SHTN1: variants seen among roughly 807,000 people sequenced by gnomAD.
SHTN1 encodes shootin 1, also known as shootin-1.
Under a neutral mutation model 83.1 loss-of-function variants are expected in SHTN1, and 42 were observed. The observed-to-expected ratio is 0.51, with a 90% confidence interval of 0.39 to 0.65. The LOEUF (loss-of-function observed/expected upper bound fraction) is 0.65. Ranked by LOEUF, SHTN1 falls within the 30% of genes least tolerant of loss-of-function variation. SHTN1 has a pLI of 0.00. For synonymous variants in SHTN1, 224 were observed against 247.7 expected, an observed-to-expected ratio of 0.90 and a Z score of 0.90; for missense variants, 622 against 737.8, an observed-to-expected ratio of 0.84 and a Z score of 1.82.
At chr10:116,934,299 CTTACA>C (rs949122775) in intron 9 of SHTN1, among the ~76,000 whole-genome samples, 7 of 152,222 alleles carry the variant, frequency 4.6e-5, no homozygotes, top group Admixed American at 1.3e-4. Flanking sequence ...GGTTTTAGGT[CTTACA>C]TTAAAGTCTT....
chr10:117,026,833 G>A (rs1852339113), intron 2 of SHTN1, among the ~76,000 whole-genome samples: 1 of 152,346 alleles, frequency 6.6e-6, no homozygotes, highest in Non-Finnish European at 1.5e-5. Context: ...AAAGGACAGA[G>A]GCCTGGCTGG....
intron 1 of SHTN1, among the ~76,000 whole-genome samples, chr10:116,983,675 G>C (rs376935730): frequency 4.3e-5 from 2 of 46,242 alleles, no homozygotes; most frequent in Non-Finnish European, 6.2e-5. Context: ...TAGATAGATA[G>C]ATAGATAGAT....
intron 5 of SHTN1, among the ~76,000 whole-genome samples, chr10:116,953,697 G>A (rs1038830814): frequency 1.5e-5 from 2 of 134,002 alleles, no homozygotes; most frequent in Non-Finnish European, 3.1e-5. Context: ...GCGCAATCTC[G>A]GCTCACTGCA....
Position 117,071,299 on chromosome 10 carries a change from C to T in SHTN1, c.-188-22789G>A, listed in dbSNP as rs555977056. Among the ~76,000 whole-genome samples, 24 of 150,230 alleles carry T rather than the reference C, an allele frequency of 1.6e-4. No individual in the cohort carries two copies. The East Asian group carries it at 4.7e-3, about 29-fold the overall frequency. On this transcript the variant is annotated intron_variant, in intron 1 of 17. Transcript: ENST00000392901. ...TCTATCTTCAGAATCTCCTGTGTAA[C>T]TATAATGTCAAAACAAGATCAAAGC...
In SHTN1 at chr10:117,041,848, C is replaced by T. The variant is rs568565009; in HGVS notation, c.-123+6597G>A. ...ATTCACCAACACTGAGTTATTTGTT[C>T]GAAATCATCTACTTAAATTTTAAAA... On this transcript the variant is annotated intron_variant, in intron 2 of 17. Coordinates refer to the SHTN1 transcript ENST00000392901. Among the ~76,000 whole-genome samples the T allele has an allele frequency of 3.3e-5, 5 of 152,106 alleles. No individual in the cohort carries two copies. The South Asian group carries it at 8.3e-4, about 25-fold the overall frequency.
At chr10:116,966,734 G>C (rs531272801) in intron 3 of SHTN1, among the ~76,000 whole-genome samples, 2 of 152,180 alleles carry the variant, frequency 1.3e-5, no homozygotes, top group East Asian at 3.9e-4. Context: ...ATAAACCCTA[G>C]ACCAAATATT....
chr10:117,041,729 A>G (rs1180043242), intron 2 of SHTN1, among the ~76,000 whole-genome samples: 1 of 152,104 alleles, frequency 6.6e-6, no homozygotes, highest in Non-Finnish European at 1.5e-5. Flanking sequence ...ATTGTCATAA[A>G]TATCTACCGC....
chr10:116,927,598 G>A (rs571396136), intron 11 of SHTN1, among the ~76,000 whole-genome samples, 194 bp downstream of exon 11: 1 of 152,156 alleles, frequency 6.6e-6, no homozygotes, highest in Non-Finnish European at 1.5e-5. Flanking sequence ...CCCACGATAC[G>A]TGAGAATTGT....
chr10:117,087,444 T>C (rs1460397532), intron 1 of SHTN1, among the ~76,000 whole-genome samples: 2 of 152,254 alleles, frequency 1.3e-5, no homozygotes, highest in East Asian at 1.9e-4. Context: ...AGCCACCACA[T>C]AGATACATTT....
chr10:117,004,557 G>T (rs1254705088), intron 1 of SHTN1, among the ~76,000 whole-genome samples: 1 of 152,088 alleles, frequency 6.6e-6, no homozygotes, highest in East Asian at 1.9e-4. Flanking sequence ...GAACTAGACC[G>T]AATCCAAACG....
At chr10:117,030,634 A>G (rs1048763566) in intron 2 of SHTN1, among the ~76,000 whole-genome samples, 3 of 152,096 alleles carry the variant, frequency 2.0e-5, no homozygotes, top group Non-Finnish European at 4.4e-5. Context: ...TCAGAATACT[A>G]TCAGACCAAT....
intron 1 of SHTN1, among the ~76,000 whole-genome samples, chr10:117,091,188 G>A (rs949795231): frequency 7.9e-5 from 12 of 152,198 alleles, no homozygotes. Flanking sequence ...ATACTCCTGA[G>A]AGTAATTAAC....
chr10:116,886,864 TA>T (rs1847180803), intron 16 of SHTN1, among the ~76,000 whole-genome samples: 1 of 152,178 alleles, frequency 6.6e-6, no homozygotes, highest in African/African-American at 2.4e-5. Flanking sequence ...TCAGGAAGCG[TA>T]AAGCTCATGG....
chr10:117,095,650 C>A (rs1049345494), intron 1 of SHTN1, among the ~76,000 whole-genome samples: 1 of 152,132 alleles, frequency 6.6e-6, no homozygotes, highest in Admixed American at 6.5e-5. Context: ...AAATATATAA[C>A]AGGACAGAAA....
chr10:117,113,816 C>T (rs953908687), intron 1 of SHTN1, among the ~76,000 whole-genome samples: 9 of 152,180 alleles, frequency 5.9e-5, no homozygotes, highest in Non-Finnish European at 8.8e-5. Context: ...GAGGCTGAGG[C>T]AGGTGGATCA....
chr10:117,065,481 G>A (rs1852963326), intron 1 of SHTN1, among the ~76,000 whole-genome samples: 1 of 151,552 alleles, frequency 6.6e-6, no homozygotes, highest in Non-Finnish European at 1.5e-5. Context: ...ACTTTGGGAG[G>A]CCGAGGCAAG....
At chr10:116,926,491 T>C (rs1236734413) in intron 11 of SHTN1, among the ~76,000 whole-genome samples, 2 of 152,220 alleles carry the variant, frequency 1.3e-5, no homozygotes, top group Non-Finnish European at 2.9e-5. Context: ...AAAAATTATT[T>C]TGCCTTAACT....
intron 8 of SHTN1, among the ~76,000 whole-genome samples, chr10:116,944,674 C>T (rs1320952875): frequency 6.6e-6 from 1 of 151,870 alleles, no homozygotes; most frequent in Non-Finnish European, 1.5e-5. Context: ...GAGCAGATCA[C>T]GAGATAAGGA....
chr10:116,884,157 A>G lies in SHTN1; in HGVS notation c.*2187T>C. ...TCCAACTTAAAATTGTGTAAGCAGG[A>G]CGTATGTAAGTTTTGTGTGTGCAAT... is the stretch of plus-strand genomic sequence containing the variant. On this transcript the variant is annotated 3_prime_UTR_variant, in exon 17 of 17. Coordinates refer to ENST00000355371, the MANE Select transcript of SHTN1 (RefSeq NM_001127211.3). 2.2e-6 allele frequency: 1 copy of G among 452,726 alleles called. No homozygotes were observed. The highest frequency in any genetic ancestry group is 4.5e-6 in the Non-Finnish European group (1 of 224,068). The allele number at this position is 452,726 out of a possible 1,614,324, so 28.0% of individuals were successfully genotyped here. A position where few individuals can be genotyped will look rare whatever the true frequency, so the allele number is the denominator to read the frequency against.
Sources: gnomAD v4.1 joint callset for allele counts (sites outside exome capture counted in the v4.1 genomes callset) on GRCh38, gnomAD v4.1.1 for gene constraint, MANE v1.5 for transcripts, NCBI Gene and HGNC (gene_info 2026-07-23, HGNC 2026-07-21) for gene names.